BTN3A3: variants seen among roughly 807,000 people sequenced by gnomAD.
BTN3A3 encodes butyrophilin subfamily 3 member A3, also known as butyrophilin 3.
BTN3A3 carries 39 observed loss-of-function variants against 43.2 expected under a neutral mutation model. That is an observed-to-expected ratio of 0.90 (90% CI 0.70 to 1.18). The LOEUF (loss-of-function observed/expected upper bound fraction) is 1.18. Among genes scored for constraint, BTN3A3 ranks in the 50% most tolerant of loss-of-function variants. The pLI, the probability that BTN3A3 is intolerant of heterozygous loss-of-function variation, is 0.00. For missense variants in BTN3A3, 631 were observed against 722.8 expected, an observed-to-expected ratio of 0.87 and a Z score of 1.46; for synonymous variants, 255 against 272.7, an observed-to-expected ratio of 0.93 and a Z score of 0.64.
chr6:26,442,389 C>T (rs528039384), intron 1 of BTN3A3, among the ~76,000 whole-genome samples: 3 of 152,294 alleles, frequency 2.0e-5, no homozygotes, highest in African/African-American at 7.2e-5. Context: ...CTTTTGCTCA[C>T]TTAACTTCCG....
chr6:26,444,486 C>G, intron 4 of BTN3A3, 182 bp downstream of exon 4: 1 of 988,520 alleles, frequency 1.0e-6, no homozygotes, highest in Non-Finnish European at 1.5e-6. Flanking sequence ...GAAAGAATTC[C>G]TGCTGTACCT....
At chr6:26,449,401 T>C (rs896093916) in intron 8 of BTN3A3, 4 of 537,340 alleles carry the variant, frequency 7.4e-6, no homozygotes, top group Admixed American at 3.3e-5. Flanking sequence ...TACAGGAGTA[T>C]AGACAGATTC....
intron 4 of BTN3A3, chr6:26,445,471 C>T: frequency 1.7e-6 from 1 of 573,076 alleles, no homozygotes. Context: ...CGGAACAGAT[C>T]CCTCTCCTCC....
chr6:26,451,572 T>C, intron 10 of BTN3A3, 103 bp from the exon 11 acceptor site: 1 of 1,504,642 alleles, frequency 6.6e-7, no homozygotes, highest in Non-Finnish European at 8.8e-7. Flanking sequence ...GGACGCCAGG[T>C]TCTGGAAGGA....
In BTN3A3 at chr6:26,449,703, T is replaced by C. The variant is rs369313133; in HGVS notation, c.991+15T>C. On this transcript the variant is annotated intron_variant, in intron 9 of 10. Coordinates refer to ENST00000244519, the MANE Select transcript of BTN3A3 (RefSeq NM_006994.5). ...GGCCTATCATGGTGAGTGAGCCTGA[T>C]GCTCTCTGGGTTTGCTGGGTCATGT... The C allele has an allele frequency of 1.9e-6, 3 of 1,614,080 alleles. No individual in the cohort carries two copies. In the African/African-American group the frequency reaches 4.0e-5, roughly 22 times the overall value.
intron 5 of BTN3A3, 81 bp from the exon 6 acceptor site, chr6:26,448,167 T>C: frequency 6.7e-7 from 1 of 1,500,730 alleles, no homozygotes; most frequent in Non-Finnish European, 9.0e-7. Flanking sequence ...CAACCTGGGC[T>C]GAGCAGCTAA....
chr6:26,444,524 C>G, intron 4 of BTN3A3: 5 of 703,370 alleles, frequency 7.1e-6, no homozygotes, highest in Non-Finnish European at 1.2e-5. Flanking sequence ...AACTCCCTCC[C>G]TCTGACAACC....
intron 10 of BTN3A3, among the ~76,000 whole-genome samples, chr6:26,450,424 A>AG (rs913402551): frequency 6.6e-6 from 1 of 152,154 alleles, no homozygotes; most frequent in Admixed American, 6.5e-5. Flanking sequence ...GTGATACTGC[A>AG]GGGAGAGTGA....
rs779712418 is a variant in BTN3A3, at chr6:26,451,961, C to T, written c.1305C>T (p.Gly435=). 6.2e-7 allele frequency: 1 copy of T among 1,613,998 alleles called. No homozygotes were observed. The highest frequency in any genetic ancestry group is 2.2e-5 in the East Asian group (1 of 44,876). The change falls in exon 11 of 11, where the codon GGC becomes GGT. Residue 435 remains glycine (G), a synonymous_variant. Transcript: ENST00000244519. The stretch of plus-strand genomic sequence containing the variant: ...CGGAGAACGGATACTGGACTATGGG[C>T]CTGACTGATGGGAATAAGTATCGGG... ...MTPENGYWTM[G]LTDGNKYRAL...
rs1762961156 is a variant in BTN3A3 at position 26,452,621 on chromosome 6, G to A, written c.*210G>A. 8 of 547,870 alleles carry A rather than the reference G, an allele frequency of 1.5e-5. No homozygotes were observed. In the South Asian group the frequency reaches 2.1e-4, roughly 14 times the overall value. The allele number at this position is 547,870 out of a possible 1,614,324, so 33.9% of individuals were successfully genotyped here. Reference sequence around the variant, plus strand: ...TCTTAGTGCTGTGTTATAAGCTTTGGTGGATGTCACTCCTTTAATCCTCAC... The same window carrying A: ...TCTTAGTGCTGTGTTATAAGCTTTGATGGATGTCACTCCTTTAATCCTCAC... On this transcript the variant is annotated 3_prime_UTR_variant, in exon 11 of 11. Transcript: ENST00000244519.
intron 5 of BTN3A3, 132 bp from the exon 6 acceptor site, chr6:26,448,116 C>G (rs72843734): frequency 0.086 from 88,810 of 1,031,660 alleles, 4,835 homozygotes; most frequent in Non-Finnish European, 0.096. Flanking sequence ...ACTTTAGGGA[C>G]AGAACGCTTA....
At position 26,451,830 on chromosome 6, in the gene BTN3A3, T is replaced by C. The variant is rs1328910526; in HGVS notation, c.1174T>C (p.Ser392Pro). Reference protein sequence around the residue: ...YCVLGCENFTSGRHYWEVEVG... With the variant: ...YCVLGCENFTPGRHYWEVEVG... ...TGTCCTTGGCTGTGAAAACTTCACA[T>C]CAGGGAGACATTACTGGGAGGTGGA... Residue 392 changes from serine (S) to proline (P), a missense_variant, in exon 11 of 11, where the codon TCA becomes CCA. By Grantham distance (74) the Ser-to-Pro change is moderately conservative (BLOSUM62 -1). Transcript: ENST00000244519. The C allele has an allele frequency of 6.2e-7, 1 of 1,613,852 alleles. No individual in the cohort carries two copies. The highest frequency in any genetic ancestry group is 8.5e-7 in the Non-Finnish European group (1 of 1,179,902).
intron 4 of BTN3A3, chr6:26,444,636 C>G: frequency 2.2e-6 from 1 of 460,156 alleles, no homozygotes; most frequent in East Asian, 4.3e-5. Flanking sequence ...TAACAGACGG[C>G]TTCTGTTGTG....
Position 26,444,294 on chromosome 6 carries a change from G to A in BTN3A3, c.423G>A (p.Leu141=). The A allele has an allele frequency of 1.2e-6, 2 of 1,612,062 alleles. No individual in the cohort carries two copies. Among genetic ancestry groups the A allele is most frequent in the Non-Finnish European group, 8.5e-7 (1 of 1,179,872 alleles). The change falls in exon 4 of 11, where the codon CTG becomes CTA. Residue 141 remains leucine, a synonymous_variant. Coordinates refer to ENST00000244519, the MANE Select transcript of BTN3A3 (RefSeq NM_006994.5). ...TCTACGAAAAAGCCCTGGTGGAGCT[G>A]AAGGTTGCAGGTGAGCCTCCAGGTT... is the stretch of plus-strand genomic sequence containing the variant. ...GDFYEKALVE[L]KVAALGSDLH...
rs556985731 is a variant in BTN3A3 at position 26,444,700 on chromosome 6, G to A, written c.433+396G>A. 788 of 325,030 alleles carry A rather than the reference G, an allele frequency of 2.4e-3. 9 individuals carry two copies. Among genetic ancestry groups the A allele is most frequent in the South Asian group, 0.015 (439 of 28,994 alleles). 20.1% of individuals were successfully genotyped at this position (325,030 alleles called of 1,614,324 possible). ...GGGAGGTGGAATGGTGACTGTATCT[G>A]CTGCCAGTGTTTTCCAATCAGTGAC... On this transcript the variant is annotated intron_variant, in intron 4 of 10. Coordinates refer to ENST00000244519, the MANE Select transcript of BTN3A3 (RefSeq NM_006994.5).
chr6:26,442,101 G>A lies in BTN3A3; in HGVS notation c.-66-1281G>A, dbSNP rs116722370. On this transcript the variant is annotated intron_variant, in intron 1 of 10. Coordinates refer to ENST00000244519, the MANE Select transcript of BTN3A3 (RefSeq NM_006994.5). ...GGCCGGCTGCACAGACCTCTGTTCC[G>A]GTGCTTTCTCTTCATCCCTCCCCAC... is the stretch of plus-strand genomic sequence containing the variant. 6.8e-3 allele frequency among the ~76,000 whole-genome samples: 1,037 copies of A among 152,174 alleles called. 8 individuals are homozygous for A. Among genetic ancestry groups the A allele is most frequent in the African/African-American group, 0.023 (966 of 41,514 alleles).
rs572320166 is a variant in BTN3A3, at chr6:26,452,867, C to T, written c.*456C>T. ...CCCAGGACAGCTGCAGGGTAGAGAT[C>T]ATTTTAAGTGCTTGTGGAGTTGACA... On this transcript the variant is annotated 3_prime_UTR_variant, in exon 11 of 11. Transcript: ENST00000244519. 6.0e-6 allele frequency: 1 copy of T among 167,242 alleles called. No individual in the cohort carries two copies. The highest frequency in any genetic ancestry group is 1.5e-4 in the South Asian group (1 of 6,884). 10.4% of individuals were successfully genotyped at this position (167,242 alleles called of 1,614,324 possible). A position where few individuals can be genotyped will look rare whatever the true frequency, so the allele number is the denominator to read the frequency against.
intron 1 of BTN3A3, among the ~76,000 whole-genome samples, chr6:26,441,018 CA>C (rs1422637789): frequency 6.6e-6 from 1 of 151,996 alleles, no homozygotes; most frequent in Non-Finnish European, 1.5e-5. Flanking sequence ...CTGTTTTGGC[CA>C]ACACAAGCCA....
rs1197054519 is a variant in BTN3A3 at position 26,451,715 on chromosome 6, C to T, written c.1059C>T (p.Leu353=). ...ILDPDTANAI[L]LVSEDQRSVQ... ...ATCCAGACACGGCAAACGCCATCCT[C>T]CTTGTTTCTGAGGACCAGAGGAGTG... The change falls in exon 11 of 11, where the codon CTC becomes CTT. Residue 353 remains leucine, a synonymous_variant. Transcript: ENST00000244519. 6.2e-7 allele frequency: 1 copy of T among 1,614,118 alleles called. No individual in the cohort carries two copies. The highest frequency in any genetic ancestry group is 1.3e-5 in the African/African-American group (1 of 75,044).
Sources: gnomAD v4.1 joint callset for allele counts (sites outside exome capture counted in the v4.1 genomes callset) on GRCh38, gnomAD v4.1.1 for gene constraint, MANE v1.5 for transcripts, NCBI Gene and HGNC (gene_info 2026-07-23, HGNC 2026-07-21) for gene names.